The following TFRC variants were observed in gnomAD, a reference collection of about 807,000 sequenced individuals.
TFRC encodes transferrin receptor protein 1.
A neutral mutation model predicts 85.8 loss-of-function variants in TFRC; 35 were observed. That is an observed-to-expected ratio of 0.41 (90% CI 0.31 to 0.54). The LOEUF (loss-of-function observed/expected upper bound fraction) is 0.54, where lower values mean the gene tolerates loss of function less well. TFRC is among the 20% of genes least tolerant of loss of function. The pLI is 0.31. For missense variants in TFRC, 828 were observed against 921.5 expected (o/e 0.90, Z 1.31); for synonymous variants, 362 against 328.6 (o/e 1.10, Z -1.10).
At chr3:196,078,485 C>T (rs1204990246) in intron 1 of TFRC, among the ~76,000 whole-genome samples, 2 of 151,902 alleles carry the variant, frequency 1.3e-5, no homozygotes, top group African/African-American at 4.8e-5. Flanking sequence ...GGTGAAACCC[C>T]ATCTCTACTA....
intron 7 of TFRC, among the ~76,000 whole-genome samples, chr3:196,069,076 A>G (rs569752148): frequency 3.3e-5 from 5 of 152,274 alleles, no homozygotes; most frequent in South Asian, 4.1e-4. Context: ...TCAGCCTCCT[A>G]AAGTGTTGGG....
Position 196,049,358 on chromosome 3 carries a change from T to C in TFRC, c.*2584A>G, listed in dbSNP as rs987453572. The C allele has an allele frequency of 1.5e-5, 3 of 196,470 alleles. No individual in the cohort carries two copies. Among genetic ancestry groups the C allele is most frequent in the Middle Eastern group, 1.7e-3 (1 of 572 alleles). The allele number at this position is 196,470 out of a possible 1,614,324, so 12.2% of individuals were successfully genotyped here. A position where few individuals can be genotyped will look rare whatever the true frequency, so the allele number is the denominator to read the frequency against. On this transcript the variant is annotated 3_prime_UTR_variant, in exon 19 of 19. Coordinates refer to ENST00000360110, the MANE Select transcript of TFRC (RefSeq NM_001128148.3). The stretch of plus-strand genomic sequence containing the variant: ...GCACATAACAGCTTTTATACAATGA[T>C]AAGGACATATCATTTGTTTACAAAG...
chr3:196,079,571 A>G (rs1051570213), intron 1 of TFRC, among the ~76,000 whole-genome samples: 1 of 151,840 alleles, frequency 6.6e-6, no homozygotes, highest in African/African-American at 2.4e-5. Context: ...AGCCGAGATC[A>G]CACCATTGCA....
In TFRC at chr3:196,072,061, A is replaced by G; in HGVS notation, c.526T>C (p.Phe176Leu). Residue 176 changes from phenylalanine to leucine, a missense_variant, in exon 5 of 19, where the codon TTT (phenylalanine) becomes CTT (leucine). By Grantham distance (22) the Phe-to-Leu change is conservative. Coordinates refer to ENST00000360110, the MANE Select transcript of TFRC (RefSeq NM_001128148.3). ...ALYVENQFRE[F>L]KLSKVWRDQH... ...TCACGCCAGACTTTGCTGAGTTTAA[A>G]TTCACGAAATTGATTTTCAACATAC... The G allele has an allele frequency of 6.2e-7, 1 of 1,614,204 alleles. No homozygotes were observed. The highest frequency in any genetic ancestry group is 1.1e-5 in the South Asian group (1 of 91,080).
intron 1 of TFRC, among the ~76,000 whole-genome samples, chr3:196,079,743 G>A (rs527593194): frequency 1.3e-5 from 2 of 152,266 alleles, no homozygotes; most frequent in East Asian, 1.9e-4. Flanking sequence ...GTAGCCCCAC[G>A]TTTTGAACCA....
chr3:196,073,998 T>A lies in TFRC; in HGVS notation c.366A>T (p.Leu122Phe), dbSNP rs746321395. 5 of 1,614,204 alleles carry A rather than the reference T, an allele frequency of 3.1e-6. No individual in the cohort carries two copies. Among genetic ancestry groups the A allele is most frequent in the Non-Finnish European group, 4.2e-6 (5 of 1,180,040 alleles). ...PGEDFPAARR[L>F]YWDDLKRKLS... Reference sequence around the variant, plus strand: ...ACTTTCTCTTCAGGTCATCCCAATATAAGCGACGTGCTGCAGGGAAGTCCT... The same window carrying A: ...ACTTTCTCTTCAGGTCATCCCAATAAAAGCGACGTGCTGCAGGGAAGTCCT... Residue 122 changes from leucine to phenylalanine, a missense_variant, in exon 4 of 19, where the codon TTA becomes TTT. Physicochemically the swap from Leu to Phe is conservative, Grantham distance 22. Transcript: ENST00000360110.
chr3:196,065,431 G>T lies in TFRC; in HGVS notation c.1198+12C>A, dbSNP rs758877026. 3.6e-4 allele frequency: 167 copies of T among 468,636 alleles called. 10 individuals carry two copies. The African/African-American group carries it at 3.6e-3, about 10-fold the overall frequency. The allele number at this position is 468,636 out of a possible 1,614,324, so 29.0% of individuals were successfully genotyped here. A position where few individuals can be genotyped will look rare whatever the true frequency, so the allele number is the denominator to read the frequency against. On this transcript the variant is annotated intron_variant, in intron 10 of 18. Coordinates refer to ENST00000360110, the MANE Select transcript of TFRC (RefSeq NM_001128148.3). ...AAAAAGCGGGGCGGGGGGGGGGGGG[G>T]GCGGTCTTTACCTGGTTCTACAAAG...
intron 2 of TFRC, among the ~76,000 whole-genome samples, chr3:196,075,566 A>T (rs567641222): frequency 2.8e-5 from 4 of 144,108 alleles, no homozygotes; most frequent in Non-Finnish European, 6.1e-5. Flanking sequence ...CTTTTTGTAA[A>T]TTTTTTTTTT....
At chr3:196,073,884 T>C in intron 4 of TFRC, 46 bp downstream of exon 4, 2 of 1,569,268 alleles carry the variant, frequency 1.3e-6, no homozygotes, top group East Asian at 2.3e-5. Context: ...CCTATCATAA[T>C]TCTTGAATTA....
chr3:196,077,839 T>C (rs2108659535), intron 1 of TFRC, among the ~76,000 whole-genome samples: 1 of 152,010 alleles, frequency 6.6e-6, no homozygotes, highest in Admixed American at 6.6e-5. Flanking sequence ...CCACAAACCA[T>C]CTCCAATGGG....
At chr3:196,055,373 A>G (rs1465517465) in intron 16 of TFRC, 72 bp from the exon 17 acceptor site, 13 of 1,344,382 alleles carry the variant, frequency 9.7e-6, no homozygotes, top group African/African-American at 7.2e-5. Flanking sequence ...TGGCTTCGCC[A>G]TCGAGGTAAC....
At chr3:196,053,638 T>C in intron 17 of TFRC, 80 bp from the exon 18 acceptor site, 1 of 1,557,222 alleles carries the variant, frequency 6.4e-7, no homozygotes, top group Non-Finnish European at 8.8e-7. Flanking sequence ...TAACGTGCGT[T>C]AAGTAAGATT....
intron 10 of TFRC, among the ~76,000 whole-genome samples, 153 bp downstream of exon 10, chr3:196,065,290 A>C (rs188917051): frequency 2.2e-3 from 341 of 151,738 alleles, no homozygotes; most frequent in African/African-American, 7.4e-3. Context: ...ACTAACACAT[A>C]AACAATTAAC....
intron 9 of TFRC, among the ~76,000 whole-genome samples, chr3:196,065,838 A>G (rs1717693370): frequency 6.6e-6 from 1 of 152,052 alleles, no homozygotes; most frequent in African/African-American, 2.4e-5. Flanking sequence ...AAAAATACAA[A>G]AATTAACTGG....
At chr3:196,053,935 G>C (rs1249526146) in intron 17 of TFRC, among the ~76,000 whole-genome samples, 3 of 152,142 alleles carry the variant, frequency 2.0e-5, no homozygotes. Context: ...GTTACAATTA[G>C]TTTCAAGAAA....
At chr3:196,063,356 A>G (rs1050721561) in intron 11 of TFRC, 1 of 153,142 alleles carries the variant, frequency 6.5e-6, no homozygotes, top group Non-Finnish European at 1.5e-5. Context: ...TTTTAAAAAA[A>G]TAATTCTAAA....
intron 9 of TFRC, among the ~76,000 whole-genome samples, chr3:196,067,026 G>A (rs1577237765): frequency 6.6e-6 from 1 of 152,178 alleles, no homozygotes. Flanking sequence ...CCAGAGGAGC[G>A]AGCCACAACC....
rs1441251258 is a variant in TFRC, at chr3:196,055,244, T to A, written c.1735A>T (p.Arg579Trp). 1 of 1,614,100 alleles carries A rather than the reference T, an allele frequency of 6.2e-7. No homozygotes were observed. Among genetic ancestry groups the A allele is most frequent in the Non-Finnish European group, 8.5e-7 (1 of 1,180,044 alleles). Residue 579 changes from arginine (R) to tryptophan (W), a missense_variant, in exon 17 of 19, where the codon AGG becomes TGG. Transcript: ENST00000360110. ...GCCACTTTGTTCAACTCAGGAATCCTCTCAATCAGTTCCTTATAGGTGTCC... is the reference window on the plus strand; with the variant it reads ...GCCACTTTGTTCAACTCAGGAATCCACTCAATCAGTTCCTTATAGGTGTCC... ...TMDTYKELIE[R>W]IPELNKVARA... is the part of the protein sequence containing the mutation.
At chr3:196,077,924 A>G (rs1718846658) in intron 1 of TFRC, among the ~76,000 whole-genome samples, 1 of 152,254 alleles carries the variant, frequency 6.6e-6, no homozygotes, top group Admixed American at 6.5e-5. Flanking sequence ...AAGAAGAAAC[A>G]TGAAACACAG....
Sources: gnomAD v4.1 joint callset for allele counts (sites outside exome capture counted in the v4.1 genomes callset) on GRCh38, gnomAD v4.1.1 for gene constraint, MANE v1.5 for transcripts, NCBI Gene and HGNC (gene_info 2026-07-23, HGNC 2026-07-21) for gene names.